The following SLC5A1 variants were observed in gnomAD, a reference collection of about 807,000 sequenced individuals.
The protein encoded by SLC5A1 is solute carrier family 5 member 1.
In SLC5A1, 42 loss-of-function variants were observed where a neutral mutation model predicts 73.5. The ratio of observed to expected loss-of-function variants is 0.57; its 90% CI spans 0.45 to 0.74. The LOEUF (loss-of-function observed/expected upper bound fraction) is 0.74. SLC5A1 is among the 30% of genes least tolerant of loss of function. The pLI is 0.00. For synonymous variants in SLC5A1, 300 were observed against 317.4 expected (o/e 0.95, Z 0.58); for missense variants, 634 against 855.4 (o/e 0.74, Z 3.23).
chr22:32,058,433 C>G (rs999670349), intron 2 of SLC5A1, among the ~76,000 whole-genome samples: 1 of 152,276 alleles, frequency 6.6e-6, no homozygotes, highest in Admixed American at 6.5e-5. Context: ...TGGGCCCTTA[C>G]GTGGTTTCCA....
At chr22:32,060,614 C>T (rs966294375) in intron 2 of SLC5A1, among the ~76,000 whole-genome samples, 1 of 152,120 alleles carries the variant, frequency 6.6e-6, no homozygotes, top group African/African-American at 2.4e-5. Context: ...TCTGTCCCCC[C>T]AATTGCAGTG....
intron 5 of SLC5A1, among the ~76,000 whole-genome samples, chr22:32,074,610 C>T (rs1370791177): frequency 6.6e-6 from 1 of 152,086 alleles, no homozygotes; most frequent in Non-Finnish European, 1.5e-5. Context: ...GGTCTCTAAC[C>T]AAATAAGACT....
rs550717543 is a variant in SLC5A1 at position 32,088,875 on chromosome 22, T to C, written c.1129+2548T>C. 1.2e-4 allele frequency among the ~76,000 whole-genome samples: 18 copies of C among 152,240 alleles called. No individual in the cohort carries two copies. In the East Asian group the frequency reaches 3.5e-3, roughly 29 times the overall value. On this transcript the variant is annotated intron_variant, in intron 10 of 14. Coordinates refer to ENST00000266088, the MANE Select transcript of SLC5A1 (RefSeq NM_000343.4). ...GATTCAGCCTCCTCCACTCAGCAAG[T>C]AGGTGATCCTCCCACCAATCCACAC... is the stretch of plus-strand genomic sequence containing the variant.
chr22:32,048,795 G>A (rs1220505101), intron 1 of SLC5A1, among the ~76,000 whole-genome samples: 1 of 152,074 alleles, frequency 6.6e-6, no homozygotes, highest in African/African-American at 2.4e-5. Flanking sequence ...TATTGGCTGG[G>A]TGCGGTGGCT....
At position 32,112,028 on chromosome 22, in the gene SLC5A1, C is replaced by T. The variant is rs1047805250; in HGVS notation, c.*1815C>T. ...CACCTAGACCAACCTGAGGAGAAGG[C>T]TCAGAGTACAGATATACCCCGAGCA... On this transcript the variant is annotated 3_prime_UTR_variant, in exon 15 of 15. Transcript: ENST00000266088. 6.6e-6 allele frequency: 1 copy of T among 152,132 alleles called. No individual in the cohort carries two copies. Among genetic ancestry groups the T allele is most frequent in the Non-Finnish European group, 1.5e-5 (1 of 68,032 alleles). 9.4% of individuals were successfully genotyped at this position (152,132 alleles called of 1,614,324 possible). A position where few individuals can be genotyped will look rare whatever the true frequency, so the allele number is the denominator to read the frequency against.
At chr22:32,060,124 TACACACA>T (rs2093959053) in intron 2 of SLC5A1, among the ~76,000 whole-genome samples, 1 of 48,940 alleles carries the variant, frequency 2.0e-5, no homozygotes, top group African/African-American at 1.1e-4. Context: ...TATATATACA[TACACACA>T]TATATATACA....
intron 11 of SLC5A1, 51 bp from the exon 12 acceptor site, chr22:32,099,132 A>C (rs1290883554): frequency 1.5e-6 from 1 of 676,602 alleles, no homozygotes; most frequent in African/African-American, 1.9e-5. Context: ...ATATATATAT[A>C]CTCATGTAGA....
Position 32,084,669 on chromosome 22 carries a change from C to G in SLC5A1, c.885+10C>G, listed in dbSNP as rs752806411. ...CTGGTGCACAGATCAGGTACCCAAG[C>G]TGGATGTGCGGGATGGACAGAGTCT... On this transcript the variant is annotated intron_variant, in intron 8 of 14. Coordinates refer to ENST00000266088, the MANE Select transcript of SLC5A1 (RefSeq NM_000343.4). 6.2e-7 allele frequency: 1 copy of G among 1,607,886 alleles called. No homozygotes were observed. Among genetic ancestry groups the G allele is most frequent in the East Asian group, 2.2e-5 (1 of 44,840 alleles).
chr22:32,111,488 A>C lies in SLC5A1; in HGVS notation c.*1275A>C, dbSNP rs1012448499. ...GGAAGTCAGCAAGTGAGTCTTGAAGAGATACTAAACAAACCCACAACACAG... is the reference window on the plus strand; with the variant it reads ...GGAAGTCAGCAAGTGAGTCTTGAAGCGATACTAAACAAACCCACAACACAG... On this transcript the variant is annotated 3_prime_UTR_variant, in exon 15 of 15. Coordinates refer to ENST00000266088, the MANE Select transcript of SLC5A1 (RefSeq NM_000343.4). The C allele has an allele frequency of 2.0e-5, 3 of 152,200 alleles. No individual in the cohort carries two copies. Among genetic ancestry groups the C allele is most frequent in the African/African-American group, 7.2e-5 (3 of 41,446 alleles). The allele number at this position is 152,200 out of a possible 1,614,324, so 9.4% of individuals were successfully genotyped here.
intron 2 of SLC5A1, among the ~76,000 whole-genome samples, chr22:32,050,228 T>C (rs2093943482): frequency 6.6e-6 from 1 of 152,198 alleles, no homozygotes; most frequent in African/African-American, 2.4e-5. Flanking sequence ...CTTAGAGTCC[T>C]TCAATAAAAT....
At chr22:32,097,145 C>A (rs1247274093) in intron 11 of SLC5A1, among the ~76,000 whole-genome samples, 1 of 152,226 alleles carries the variant, frequency 6.6e-6, no homozygotes, top group South Asian at 2.1e-4. Flanking sequence ...TTTTGTGTAT[C>A]CTGTAATTAC....
intron 13 of SLC5A1, among the ~76,000 whole-genome samples, chr22:32,104,414 C>G (rs1391593347): frequency 6.6e-6 from 1 of 152,184 alleles, no homozygotes; most frequent in Non-Finnish European, 1.5e-5. Context: ...GTGCAAAAAT[C>G]TGAACTTACA....
intron 5 of SLC5A1, among the ~76,000 whole-genome samples, chr22:32,077,323 TTCCTC>T (rs2093992668): frequency 6.9e-6 from 1 of 145,406 alleles, no homozygotes; most frequent in South Asian, 2.4e-4. Context: ...TCCCTCCCCC[TTCCTC>T]TCTCCCCCTT....
At chr22:32,078,661 A>T (rs2093994640) in intron 5 of SLC5A1, among the ~76,000 whole-genome samples, 2 of 152,178 alleles carry the variant, frequency 1.3e-5, no homozygotes, top group Admixed American at 1.3e-4. Context: ...TGTTGCTAAA[A>T]AAGACCTTGC....
At chr22:32,083,786 G>C (rs1341981578) in intron 7 of SLC5A1, among the ~76,000 whole-genome samples, 1 of 152,096 alleles carries the variant, frequency 6.6e-6, no homozygotes, top group Non-Finnish European at 1.5e-5. Flanking sequence ...GGTGCTCAAG[G>C]CCCACTGTGT....
intron 1 of SLC5A1, among the ~76,000 whole-genome samples, chr22:32,049,630 T>C (rs2093942637): frequency 1.3e-5 from 2 of 151,766 alleles, no homozygotes; most frequent in Non-Finnish European, 2.9e-5. Context: ...AAAAGTTCCA[T>C]TCCTGCCATT....
At chr22:32,101,993 AT>A (rs1219791970) in intron 12 of SLC5A1, 28 bp from the exon 13 acceptor site, 1 of 1,546,652 alleles carries the variant, frequency 6.5e-7, no homozygotes, top group Non-Finnish European at 8.9e-7. Context: ...TGTGTTCAGC[AT>A]GAGTTAACCC....
chr22:32,080,969 G>A (rs751736813), intron 5 of SLC5A1, among the ~76,000 whole-genome samples: 5 of 152,108 alleles, frequency 3.3e-5, no homozygotes, highest in Non-Finnish European at 5.9e-5. Flanking sequence ...ACTCTAGCCC[G>A]GGCGACAGAG....
chr22:32,068,001 T>C lies in SLC5A1; in HGVS notation c.347T>C (p.Phe116Ser), dbSNP rs780554779. ...TTGGTGGTTGTGCTGGGCTGGCTGT[T>C]TGTCCCCATCTATATTAAGGCTGGG... ...LVLVVVLGWL[F>S]VPIYIKAGVV... is the part of the protein sequence containing the mutation. The change falls in exon 4 of 15, where the codon TTT becomes TCT. Residue 116 changes from phenylalanine (F) to serine (S), a missense_variant. By Grantham distance (155) the Phe-to-Ser change is radical. Coordinates refer to ENST00000266088, the MANE Select transcript of SLC5A1 (RefSeq NM_000343.4). 1.2e-6 allele frequency: 2 copies of C among 1,614,152 alleles called. No homozygotes were observed. Among genetic ancestry groups the C allele is most frequent in the Non-Finnish European group, 1.7e-6 (2 of 1,180,016 alleles).
Sources: allele counts gnomAD v4.1 joint callset (sites outside exome capture counted in the v4.1 genomes callset), GRCh38; gene constraint gnomAD v4.1.1; transcripts MANE v1.5; gene names NCBI Gene and HGNC (gene_info 2026-07-23, HGNC 2026-07-21).